Variants in PLGRKT observed in about 807,000 individuals in gnomAD.
PLGRKT encodes the protein plasminogen receptor (KT).
In PLGRKT, 22 loss-of-function variants were observed where a neutral mutation model predicts 18.5. That is an observed-to-expected ratio of 1.19 (90% CI 0.85 to 1.70). The LOEUF (loss-of-function observed/expected upper bound fraction) is 1.70, where lower values mean the gene tolerates loss of function less well. Ranked by LOEUF, PLGRKT falls within the 40% of genes most tolerant of loss-of-function variation. PLGRKT has a pLI of 0.00. For synonymous variants in PLGRKT, 72 were observed against 52.8 expected (o/e 1.36, Z -1.58); for missense variants, 235 against 174.4 (o/e 1.35, Z -1.96).
intron 3 of PLGRKT, among the ~76,000 whole-genome samples, chr9:5,412,055 A>G (rs1457353099): frequency 4.6e-5 from 7 of 152,250 alleles, no homozygotes; most frequent in Non-Finnish European, 8.8e-5. Context: ...GCATTAAACC[A>G]TACTAAAAAG....
intron 3 of PLGRKT, among the ~76,000 whole-genome samples, chr9:5,401,116 G>C (rs559672502): frequency 8.6e-5 from 13 of 151,766 alleles, no homozygotes; most frequent in Non-Finnish European, 1.8e-4. Context: ...ATTTTGCCGG[G>C]ACAGGTGGCC....
At chr9:5,414,172 T>G (rs1184281718) in intron 3 of PLGRKT, among the ~76,000 whole-genome samples, 1 of 152,124 alleles carries the variant, frequency 6.6e-6, no homozygotes, top group East Asian at 1.9e-4. Flanking sequence ...GAGTGTATCT[T>G]TTTTGTTTGT....
At chr9:5,431,286 C>G (rs1395077838) in intron 3 of PLGRKT, among the ~76,000 whole-genome samples, 1 of 152,100 alleles carries the variant, frequency 6.6e-6, no homozygotes, top group African/African-American at 2.4e-5. Flanking sequence ...GTAATTCCAG[C>G]AATTTGGGAG....
In PLGRKT at chr9:5,418,857, C is replaced by T; in HGVS notation, c.81+13040G>A. The T allele has an allele frequency of 5.7e-6, 6 of 1,053,694 alleles. No individual in the cohort carries two copies. Among genetic ancestry groups the T allele is most frequent in the Non-Finnish European group, 8.8e-6 (6 of 681,608 alleles). The allele number at this position is 1,053,694 out of a possible 1,614,324, so 65.3% of individuals were successfully genotyped here. A position where few individuals can be genotyped will look rare whatever the true frequency, so the allele number is the denominator to read the frequency against. On this transcript the variant is annotated intron_variant, in intron 3 of 5. Coordinates refer to ENST00000223864, the MANE Select transcript of PLGRKT (RefSeq NM_018465.4). The surrounding 1 kb of genome is among the most constrained non-coding windows in gnomAD (Gnocchi z 4.2). ...GCACATCCTTCTGGCTGGTCCTCGT[C>T]TGCTGGAGGCAAACTGAACAGCAGG... is the stretch of plus-strand genomic sequence containing the variant.
intron 3 of PLGRKT, among the ~76,000 whole-genome samples, chr9:5,387,726 C>T (rs1196302106): frequency 2.6e-5 from 4 of 151,702 alleles, no homozygotes; most frequent in Admixed American, 6.6e-5. Flanking sequence ...CAGGAATAAA[C>T]ATCTGTAGAA....
intron 3 of PLGRKT, among the ~76,000 whole-genome samples, chr9:5,410,513 A>C (rs13286860): frequency 6.8e-6 from 1 of 145,992 alleles, no homozygotes; most frequent in Non-Finnish European, 1.5e-5. Flanking sequence ...AAAAAAAAAA[A>C]GGAAAAAGAA....
At chr9:5,382,017 T>C (rs1817756784) in intron 3 of PLGRKT, 2 of 985,114 alleles carry the variant, frequency 2.0e-6, no homozygotes, top group Non-Finnish European at 1.2e-6. Flanking sequence ...GACTTAGCAG[T>C]TGAAAATGTG....
At chr9:5,365,121 AAAAAT>A (rs1416672260) in intron 3 of PLGRKT, among the ~76,000 whole-genome samples, 1 of 152,166 alleles carries the variant, frequency 6.6e-6, no homozygotes, top group African/African-American at 2.4e-5. Context: ...CTCTCCAAAA[AAAAAT>A]AAATAAATAA....
intron 3 of PLGRKT, among the ~76,000 whole-genome samples, chr9:5,427,786 G>C (rs1378500472): frequency 6.6e-6 from 1 of 152,198 alleles, no homozygotes; most frequent in East Asian, 1.9e-4. Flanking sequence ...AGAAATATTT[G>C]ACTTTCTGGA....
At chr9:5,405,006 C>T (rs1006324508) in intron 3 of PLGRKT, among the ~76,000 whole-genome samples, 1 of 152,080 alleles carries the variant, frequency 6.6e-6, no homozygotes, top group African/African-American at 2.4e-5. Context: ...AGAGCCAAAT[C>T]ATGAATGAAC....
intron 3 of PLGRKT, among the ~76,000 whole-genome samples, chr9:5,374,905 C>T (rs919271236): frequency 6.6e-6 from 1 of 152,070 alleles, no homozygotes; most frequent in African/African-American, 2.4e-5. Context: ...TTTTTACATG[C>T]TATTATGTTC....
At chr9:5,391,978 G>A (rs980339913) in intron 3 of PLGRKT, among the ~76,000 whole-genome samples, 1 of 151,990 alleles carries the variant, frequency 6.6e-6, no homozygotes, top group African/African-American at 2.4e-5. Context: ...TGCACAGAGA[G>A]GAGAAGTTGG....
Position 5,359,372 on chromosome 9 carries a change from G to A in PLGRKT, c.323-1012C>T, listed in dbSNP as rs565736538. On this transcript the variant is annotated intron_variant, in intron 5 of 5. Coordinates refer to ENST00000223864, the MANE Select transcript of PLGRKT (RefSeq NM_018465.4). Reference sequence around the variant, plus strand: ...GCCTTCCTTTAACACACTATTAATTGTACTCCAAACCCAACAGAACAGACC... The same window carrying A: ...GCCTTCCTTTAACACACTATTAATTATACTCCAAACCCAACAGAACAGACC... Among the ~76,000 whole-genome samples the A allele has an allele frequency of 3.7e-4, 56 of 152,142 alleles. 1 individual carries two copies. Among genetic ancestry groups the A allele is most frequent in the Admixed American group, 3.0e-3 (46 of 15,262 alleles).
chr9:5,394,179 T>G (rs772071105), intron 3 of PLGRKT, among the ~76,000 whole-genome samples: 35 of 151,974 alleles, frequency 2.3e-4, no homozygotes, highest in Admixed American at 3.9e-4. Flanking sequence ...TTTTTGATGT[T>G]GTGACTAAGA....
At chr9:5,402,905 G>C (rs1273767361) in intron 3 of PLGRKT, among the ~76,000 whole-genome samples, 2 of 151,846 alleles carry the variant, frequency 1.3e-5, no homozygotes, top group East Asian at 3.8e-4. Context: ...TGAAACAGAA[G>C]GCAAATGTCT....
chr9:5,387,064 C>T (rs887552958), intron 3 of PLGRKT, among the ~76,000 whole-genome samples: 1 of 151,924 alleles, frequency 6.6e-6, no homozygotes, highest in African/African-American at 2.4e-5. Flanking sequence ...GTGTGTGAAT[C>T]ACCTGGGGGA....
intron 3 of PLGRKT, among the ~76,000 whole-genome samples, chr9:5,367,809 G>C (rs981670694): frequency 1.3e-5 from 2 of 152,072 alleles, no homozygotes; most frequent in African/African-American, 4.8e-5. Flanking sequence ...ACAATTTACA[G>C]AATGGGAGAA....
rs1818518898 is a variant in PLGRKT at position 5,418,951 on chromosome 9, G to C, written c.81+12946C>G. On this transcript the variant is annotated intron_variant, in intron 3 of 5. Coordinates refer to ENST00000223864, the MANE Select transcript of PLGRKT (RefSeq NM_018465.4). The surrounding 1 kb of genome is among the most constrained non-coding windows in gnomAD (Gnocchi z 4.2). The stretch of plus-strand genomic sequence containing the variant: ...TAATTAAAACAGATCTGACATTCTA[G>C]CAGAGTCCTGGGACAGCGTCTCCAT... 1 of 750,952 alleles carries C rather than the reference G, an allele frequency of 1.3e-6. No homozygotes were observed. The highest frequency in any genetic ancestry group is 2.1e-5 in the Admixed American group (1 of 47,678). The allele number at this position is 750,952 out of a possible 1,614,324, so 46.5% of individuals were successfully genotyped here. A position where few individuals can be genotyped will look rare whatever the true frequency, so the allele number is the denominator to read the frequency against.
chr9:5,393,496 G>A (rs11788863), intron 3 of PLGRKT, among the ~76,000 whole-genome samples: 39,744 of 151,326 alleles, frequency 0.26, 5,553 homozygotes, highest in Non-Finnish European at 0.29. Context: ...CTTTCAAAGA[G>A]GTTTATTCTA....
Sources: allele counts gnomAD v4.1 joint callset (sites outside exome capture counted in the v4.1 genomes callset), GRCh38; gene constraint gnomAD v4.1.1; non-coding constraint Gnocchi (gnomAD v3.1); transcripts MANE v1.5; gene names NCBI Gene and HGNC (gene_info 2026-07-23, HGNC 2026-07-21).